The following APBA2 variants were observed in gnomAD, a reference collection of about 807,000 sequenced individuals.
The protein encoded by APBA2 is amyloid beta precursor protein binding family A member 2, also known as amyloid-beta A4 precursor protein-binding family A member 2.
Under a neutral mutation model 75.0 loss-of-function variants are expected in APBA2, and 30 were observed. The observed-to-expected ratio is 0.40, with a 90% CI of 0.30 to 0.54. The LOEUF is 0.54. Ranked by LOEUF, APBA2 falls within the 20% of genes least tolerant of loss-of-function variation. APBA2 has a pLI of 0.49. For synonymous variants in APBA2, 444 were observed against 409.6 expected (o/e 1.08, Z -1.01); for missense variants, 801 against 1,016.1 (o/e 0.79, Z 2.88).
At chr15:29,048,579 C>G (rs1490555970) in intron 3 of APBA2, among the ~76,000 whole-genome samples, 1 of 151,990 alleles carries the variant, frequency 6.6e-6, no homozygotes, top group African/African-American at 2.4e-5. Context: ...GGTACTGTTG[C>G]TGGGCAGATA....
At chr15:29,116,694 G>A (rs574775252) in intron 14 of APBA2, among the ~76,000 whole-genome samples, 8 of 151,966 alleles carry the variant, frequency 5.3e-5, no homozygotes, top group East Asian at 1.9e-4. Flanking sequence ...GTGAAGCAGA[G>A]TGCATCCCTC....
chr15:29,089,648 C>T (rs1429534458), intron 6 of APBA2, among the ~76,000 whole-genome samples: 3 of 152,174 alleles, frequency 2.0e-5, no homozygotes, highest in Non-Finnish European at 2.9e-5. Context: ...TGGGACTCCC[C>T]TCCCCTTCCC....
chr15:29,081,678 C>A (rs929609717), intron 6 of APBA2, among the ~76,000 whole-genome samples: 2 of 152,216 alleles, frequency 1.3e-5, no homozygotes, highest in Non-Finnish European at 2.9e-5. Context: ...CCACATGGCT[C>A]TGTACTTAGC....
chr15:28,928,166 T>C (rs1048537387), intron 2 of APBA2, among the ~76,000 whole-genome samples: 1 of 143,364 alleles, frequency 7.0e-6, no homozygotes, highest in African/African-American at 2.6e-5. Context: ...AAAAGAAACA[T>C]GTTGTCCTTT....
At chr15:29,068,724 A>G (rs928809413) in intron 4 of APBA2, among the ~76,000 whole-genome samples, 1 of 152,190 alleles carries the variant, frequency 6.6e-6, no homozygotes, top group African/African-American at 2.4e-5. Context: ...CCTGGGTGTC[A>G]GTCACTGGAG....
intron 3 of APBA2, among the ~76,000 whole-genome samples, chr15:29,043,372 C>T (rs2041147762): frequency 6.6e-6 from 1 of 152,196 alleles, no homozygotes; most frequent in Admixed American, 6.5e-5. Context: ...CTTCCAAGGG[C>T]TGCTGAGACT....
chr15:29,103,388 C>T (rs886137427), intron 10 of APBA2, among the ~76,000 whole-genome samples: 2 of 152,252 alleles, frequency 1.3e-5, no homozygotes, highest in Non-Finnish European at 2.9e-5. Flanking sequence ...TGAGGTGGGG[C>T]CTGGGCTGGG....
chr15:28,902,225 A>G (rs1217726055), intron 1 of APBA2, among the ~76,000 whole-genome samples: 1 of 152,092 alleles, frequency 6.6e-6, no homozygotes, highest in Non-Finnish European at 1.5e-5. Flanking sequence ...ACAGCAAGTC[A>G]TGTGGGTGGC....
chr15:29,023,943 G>A (rs556513945), intron 3 of APBA2, among the ~76,000 whole-genome samples: 2 of 137,274 alleles, frequency 1.5e-5, no homozygotes, highest in South Asian at 4.7e-4. Flanking sequence ...TCGCTCTGTT[G>A]CCCAGGCTGG....
chr15:28,894,460 G>A (rs1261022694), intron 1 of APBA2, among the ~76,000 whole-genome samples: 2 of 152,156 alleles, frequency 1.3e-5, no homozygotes, highest in African/African-American at 4.8e-5. Context: ...GAGCCCCATG[G>A]TAGGTTGGGG....
At position 29,108,331 on chromosome 15, in the gene APBA2, T is replaced by C; in HGVS notation, c.1979T>C (p.Val660Ala). The C allele has an allele frequency of 6.2e-7, 1 of 1,613,978 alleles. No individual in the cohort carries two copies. Among genetic ancestry groups the C allele is most frequent in the Non-Finnish European group, 8.5e-7 (1 of 1,180,018 alleles). The part of the protein sequence containing the change: ...NIVSCPPVTT[V>A]LIKRPDLKYQ... ...GTCAGCTGTCCCCCGGTCACCACGG[T>C]CCTTATCAAGCGGCCAGACCTCAAG... The change falls in exon 13 of 15, where the codon GTC (valine) becomes GCC (alanine). Residue 660 changes from valine to alanine, a missense_variant. By Grantham distance (64) the Val-to-Ala change is moderately conservative. Around this residue, in one of 2 missense-constraint regions of APBA2, gnomAD observed 367 missense variants for 544.5 expected, o/e 0.67. Coordinates refer to ENST00000683413, the MANE Select transcript of APBA2 (RefSeq NM_001353788.2).
intron 3 of APBA2, among the ~76,000 whole-genome samples, chr15:29,041,552 A>G (rs2041047126): frequency 1.3e-5 from 2 of 151,994 alleles, no homozygotes; most frequent in Admixed American, 1.3e-4. Flanking sequence ...CAAAAAAGAA[A>G]GAACTACATA....
At chr15:28,907,743 C>T (rs567769302) in intron 1 of APBA2, among the ~76,000 whole-genome samples, 6 of 152,288 alleles carry the variant, frequency 3.9e-5, no homozygotes, top group South Asian at 2.1e-4. Flanking sequence ...TGGGCTGACT[C>T]ATAAAATGAA....
chr15:28,900,119 A>G (rs1013574455), intron 1 of APBA2, among the ~76,000 whole-genome samples: 10 of 152,146 alleles, frequency 6.6e-5, no homozygotes, highest in Admixed American at 4.6e-4. Context: ...GGGTGGCAGA[A>G]GCAGAGCCTT....
Position 29,093,179 on chromosome 15 carries a change from A to G in APBA2, c.1174A>G (p.Ile392Val). ...ATCAGAACGGAACCCTTCCAAAAAC[A>G]TCAGAATGATGCAAGCGCAGGAGGC... ...LLSERNPSKN[I>V]RMMQAQEAVS... The change falls in exon 7 of 15, where the codon ATC becomes GTC. Residue 392 changes from isoleucine to valine, a missense_variant. Physicochemically the swap from Ile to Val is conservative, Grantham distance 29. Around this residue, in one of 2 missense-constraint regions of APBA2, gnomAD observed 367 missense variants for 544.5 expected, o/e 0.67. Transcript: ENST00000683413. 1 of 1,614,270 alleles carries G rather than the reference A, an allele frequency of 6.2e-7. No homozygotes were observed. The highest frequency in any genetic ancestry group is 8.5e-7 in the Non-Finnish European group (1 of 1,180,052).
At chr15:28,922,326 T>G (rs188072416) in intron 2 of APBA2, among the ~76,000 whole-genome samples, 1 of 152,296 alleles carries the variant, frequency 6.6e-6, no homozygotes, top group East Asian at 1.9e-4. Context: ...ACCACCAGTG[T>G]GGGCAGGGCC....
chr15:28,948,164 C>T (rs188318282), intron 2 of APBA2, among the ~76,000 whole-genome samples: 42 of 152,338 alleles, frequency 2.8e-4, no homozygotes, highest in Non-Finnish European at 5.4e-4. Context: ...AGCATCCCCA[C>T]AGGGGTTAGT....
chr15:28,955,786 G>A (rs1411268520), intron 2 of APBA2, among the ~76,000 whole-genome samples: 1 of 152,262 alleles, frequency 6.6e-6, no homozygotes, highest in East Asian at 1.9e-4. Context: ...GCCTTGGTGG[G>A]TTCCCTGAGG....
chr15:29,105,279 G>T, intron 10 of APBA2, 100 bp from the exon 11 acceptor site: 2 of 1,227,162 alleles, frequency 1.6e-6, no homozygotes, highest in East Asian at 5.0e-5. Flanking sequence ...GAAGGCTTAT[G>T]GGTGCATCCT....
Sources: allele counts gnomAD v4.1 joint callset (sites outside exome capture counted in the v4.1 genomes callset), GRCh38; gene constraint gnomAD v4.1.1; regional missense constraint gnomAD v4.1.1; transcripts MANE v1.5; gene names NCBI Gene and HGNC (gene_info 2026-07-23, HGNC 2026-07-21).